Variants in PTPRG observed in about 807,000 individuals in gnomAD.
PTPRG encodes protein tyrosine phosphatase receptor type G.
PTPRG carries 102 observed loss-of-function variants against 165.3 expected under a neutral mutation model. The ratio of observed to expected loss-of-function variants is 0.62; its 90% CI spans 0.53 to 0.73. PTPRG has a LOEUF of 0.73. PTPRG is among the 30% of genes least tolerant of loss of function. The probability of loss-of-function intolerance (pLI) is 0.00; values close to 1 mark genes in which losing one functional copy is unlikely to be tolerated. For synonymous variants in PTPRG, 675 were observed against 669.5 expected (o/e 1.01, Z -0.13); for missense variants, 1,866 against 1,861.4 (o/e 1.00, Z -0.05).
chr3:62,279,503 G>C (rs944494950), intron 26 of PTPRG, among the ~76,000 whole-genome samples: 7 of 152,024 alleles, frequency 4.6e-5, no homozygotes, highest in African/African-American at 1.7e-4. Flanking sequence ...TTAAGGTTCA[G>C]ATTAATTTAC....
chr3:62,187,850 G>A (rs983284817), intron 8 of PTPRG, among the ~76,000 whole-genome samples: 5 of 152,166 alleles, frequency 3.3e-5, no homozygotes, highest in Admixed American at 3.3e-4. Flanking sequence ...CTCCTCTCGT[G>A]TAATCAGGGA....
Position 61,932,309 on chromosome 3 carries a change from T to C in PTPRG, c.191-57316T>C, listed in dbSNP as rs72884121. On this transcript the variant is annotated intron_variant, in intron 2 of 29. Transcript: ENST00000474889. ...AATTATCCCAATGTGGGCATCGGTG[T>C]TGAACACAACAGACCATAAAATTCC... is the stretch of plus-strand genomic sequence containing the variant. Among the ~76,000 whole-genome samples, 1,367 of 152,302 alleles carry C rather than the reference T, an allele frequency of 9.0e-3. 23 individuals carry two copies. Among genetic ancestry groups the C allele is most frequent in the African/African-American group, 0.031 (1,281 of 41,568 alleles).
At chr3:61,572,218 G>A (rs1330165006) in intron 1 of PTPRG, among the ~76,000 whole-genome samples, 1 of 152,122 alleles carries the variant, frequency 6.6e-6, no homozygotes, top group Non-Finnish European at 1.5e-5. Flanking sequence ...CTTGGTTAAT[G>A]GAATGCCTAT....
chr3:61,828,568 A>G (rs1040898365), intron 2 of PTPRG, among the ~76,000 whole-genome samples: 1 of 152,222 alleles, frequency 6.6e-6, no homozygotes, highest in African/African-American at 2.4e-5. Flanking sequence ...CTTGTAACCA[A>G]CATGTGTCTC....
chr3:61,914,260 A>G (rs1383575735), intron 2 of PTPRG, among the ~76,000 whole-genome samples: 1 of 152,146 alleles, frequency 6.6e-6, no homozygotes. Flanking sequence ...TCTTTTTGTG[A>G]TTCCATGTGG....
At chr3:61,809,753 G>T (rs962133464) in intron 2 of PTPRG, among the ~76,000 whole-genome samples, 1 of 152,178 alleles carries the variant, frequency 6.6e-6, no homozygotes, top group Non-Finnish European at 1.5e-5. Context: ...ATGTGGACCA[G>T]ATAATTAAGG....
intron 1 of PTPRG, among the ~76,000 whole-genome samples, chr3:61,682,072 C>T (rs1018535719): frequency 7.0e-6 from 1 of 142,984 alleles, no homozygotes; most frequent in Non-Finnish European, 1.5e-5. Context: ...TCACTTGAAC[C>T]TGGGAGGCAG....
intron 4 of PTPRG, among the ~76,000 whole-genome samples, chr3:62,047,430 T>C (rs1300330084): frequency 6.6e-6 from 1 of 152,050 alleles, no homozygotes; most frequent in Non-Finnish European, 1.5e-5. Flanking sequence ...TGGCTAATTT[T>C]TTTGTATTTT....
At position 62,254,962 on chromosome 3, in the gene PTPRG, T is replaced by C. The variant is rs1008101808; in HGVS notation, c.2468-162T>C. 6.6e-6 allele frequency among the ~76,000 whole-genome samples: 1 copy of C among 152,196 alleles called. No homozygotes were observed. The highest frequency in any genetic ancestry group is 1.5e-5 in the Non-Finnish European group (1 of 68,020). ...GTCATAATGAGATCCTAATGTAAAA[T>C]AAATTCTGAGACTTTTCTTCAGGAC... On this transcript the variant is annotated intron_variant, in intron 15 of 29. Coordinates refer to ENST00000474889, the MANE Select transcript of PTPRG (RefSeq NM_002841.4). The surrounding 1 kb of genome is among the most constrained non-coding windows in gnomAD (Gnocchi z 4.6).
intron 2 of PTPRG, among the ~76,000 whole-genome samples, chr3:61,776,523 C>G (rs542119502): frequency 6.6e-6 from 1 of 152,088 alleles, no homozygotes; most frequent in Non-Finnish European, 1.5e-5. Flanking sequence ...GTTCCCCAGC[C>G]TCAGAAAATT....
At chr3:61,690,954 G>A (rs1274711035) in intron 1 of PTPRG, among the ~76,000 whole-genome samples, 2 of 151,970 alleles carry the variant, frequency 1.3e-5, no homozygotes, top group Non-Finnish European at 2.9e-5. Flanking sequence ...ATTGATTTTG[G>A]GGTGAATTGC....
chr3:61,606,161 G>T (rs757416775), intron 1 of PTPRG, among the ~76,000 whole-genome samples: 4 of 152,240 alleles, frequency 2.6e-5, no homozygotes, highest in African/African-American at 9.6e-5. Flanking sequence ...TAGGGTGCCA[G>T]CCAGGGCTGT....
intron 2 of PTPRG, among the ~76,000 whole-genome samples, chr3:61,783,238 G>A (rs1234987569): frequency 6.6e-6 from 1 of 152,172 alleles, no homozygotes; most frequent in African/African-American, 2.4e-5. Context: ...TAATTGGGAG[G>A]CTGCGGTGGG....
chr3:62,002,968 C>T (rs1242948389), intron 3 of PTPRG, among the ~76,000 whole-genome samples: 1 of 152,156 alleles, frequency 6.6e-6, no homozygotes, highest in Non-Finnish European at 1.5e-5. Context: ...CTTGGGGTAG[C>T]CCCATGAATC....
intron 1 of PTPRG, among the ~76,000 whole-genome samples, chr3:61,583,402 C>T (rs1356751215): frequency 1.3e-5 from 2 of 152,160 alleles, no homozygotes; most frequent in Non-Finnish European, 2.9e-5. Flanking sequence ...GGCCCCAGTA[C>T]ATCTATAAGA....
intron 2 of PTPRG, among the ~76,000 whole-genome samples, chr3:61,784,105 G>A (rs949137063): frequency 2.0e-4 from 30 of 152,188 alleles, no homozygotes; most frequent in Non-Finnish European, 1.5e-5. Context: ...GCTAGGAATG[G>A]TGAAAACTAC....
chr3:62,010,425 A>G (rs1193701760), intron 4 of PTPRG, among the ~76,000 whole-genome samples: 1 of 149,436 alleles, frequency 6.7e-6, no homozygotes, highest in Non-Finnish European at 1.5e-5. Context: ...CTGTTTTGGA[A>G]ATGTAAGTTT....
chr3:62,234,146 C>T (rs1165608046), intron 14 of PTPRG, among the ~76,000 whole-genome samples: 7 of 152,150 alleles, frequency 4.6e-5, no homozygotes, highest in Admixed American at 3.3e-4. Context: ...ACACGATTTC[C>T]CTATGCCTAT....
intron 4 of PTPRG, among the ~76,000 whole-genome samples, chr3:62,059,038 C>G (rs1369482084): frequency 6.6e-6 from 1 of 152,176 alleles, no homozygotes; most frequent in African/African-American, 2.4e-5. Flanking sequence ...CCCCAGGTAT[C>G]CGGTCTGCTC....
Sources: gnomAD v4.1 joint callset for allele counts (sites outside exome capture counted in the v4.1 genomes callset) on GRCh38, gnomAD v4.1.1 for gene constraint, Gnocchi (gnomAD v3.1) non-coding constraint, MANE v1.5 for transcripts, NCBI Gene and HGNC (gene_info 2026-07-23, HGNC 2026-07-21) for gene names.